Variants in ASIC2 observed in about 807,000 individuals in gnomAD.
ASIC2 encodes the protein acid-sensing ion channel 2.
In ASIC2, 25 loss-of-function variants were observed where a neutral mutation model predicts 57.3. The observed-to-expected ratio is 0.44, with a 90% CI of 0.32 to 0.61. The LOEUF (loss-of-function observed/expected upper bound fraction) is 0.61. Among genes scored for constraint, ASIC2 ranks in the 20% least tolerant of loss-of-function variants. The pLI, the probability that ASIC2 is intolerant of heterozygous loss-of-function variation, is 0.06. For missense variants in ASIC2, 641 were observed against 738.1 expected (o/e 0.87, Z 1.52); for synonymous variants, 319 against 307.5 (o/e 1.04, Z -0.39).
intron 1 of ASIC2, among the ~76,000 whole-genome samples, chr17:33,237,352 GT>G (rs61364467): frequency 1.8e-3 from 253 of 143,212 alleles, no homozygotes; most frequent in Middle Eastern, 7.3e-3. Context: ...CCACTTAGTA[GT>G]TTTTTTTTTT....
intron 1 of ASIC2, among the ~76,000 whole-genome samples, chr17:33,158,670 C>T (rs1169249195): frequency 6.6e-6 from 1 of 152,244 alleles, no homozygotes; most frequent in Non-Finnish European, 1.5e-5. Context: ...GAGTTCAAAA[C>T]CCGATATTAC....
chr17:33,167,249 C>T (rs1905339918), intron 1 of ASIC2, among the ~76,000 whole-genome samples: 1 of 152,194 alleles, frequency 6.6e-6, no homozygotes, highest in Non-Finnish European at 1.5e-5. Context: ...TGCCACTTCT[C>T]TTGGTGGCAC....
At chr17:33,405,490 T>TC (rs1325039996) in intron 1 of ASIC2, among the ~76,000 whole-genome samples, 60 of 149,254 alleles carry the variant, frequency 4.0e-4, no homozygotes, top group African/African-American at 1.2e-3. Flanking sequence ...TTTCTTTCTT[T>TC]TTTTTTTTTT....
intron 1 of ASIC2, among the ~76,000 whole-genome samples, chr17:33,695,257 ACT>A (rs917426244): frequency 1.2e-4 from 19 of 152,272 alleles, no homozygotes; most frequent in African/African-American, 4.3e-4. Flanking sequence ...TTCATGTCTA[ACT>A]CTGAAAATCC....
chr17:33,199,426 C>T (rs905390755), intron 1 of ASIC2, among the ~76,000 whole-genome samples: 1 of 152,156 alleles, frequency 6.6e-6, no homozygotes, highest in African/African-American at 2.4e-5. Flanking sequence ...GAGGTAACCA[C>T]AGAGCAGGGT....
intron 1 of ASIC2, among the ~76,000 whole-genome samples, chr17:34,020,653 C>G (rs759879920): frequency 9.9e-5 from 15 of 152,184 alleles, no homozygotes; most frequent in Non-Finnish European, 2.1e-4. Context: ...CAAAGCCCAG[C>G]TCCCAGCTGA....
chr17:33,586,298 T>A (rs993436368), intron 1 of ASIC2, among the ~76,000 whole-genome samples: 1 of 152,186 alleles, frequency 6.6e-6, no homozygotes, highest in African/African-American at 2.4e-5. Flanking sequence ...GTTTACCATC[T>A]AGGGGGGCAG....
At chr17:33,331,817 G>C (rs1907321779) in intron 1 of ASIC2, among the ~76,000 whole-genome samples, 1 of 152,216 alleles carries the variant, frequency 6.6e-6, no homozygotes, top group Admixed American at 6.5e-5. Context: ...TTTAGGAAAG[G>C]TAGGCAACTG....
At position 33,111,990 on chromosome 17, in the gene ASIC2, C is replaced by A. The variant is rs147153560; in HGVS notation, c.786G>T (p.Gly262=). ...TGATCTCCAGCCCGTTGCCTGTCCC[C>A]CCCTTGACCGTGGTGAGCAGAGGTT... The part of the protein sequence containing the change: ...DGKPLLTTVK[G]GTGNGLEIML... The change falls in exon 2 of 10, where the codon GGG becomes GGT. Residue 262 remains glycine, a synonymous_variant. Transcript: ENST00000225823. 3.7e-6 allele frequency: 6 copies of A among 1,613,906 alleles called. No homozygotes were observed. Among genetic ancestry groups the A allele is most frequent in the Non-Finnish European group, 5.1e-6 (6 of 1,179,990 alleles).
chr17:34,039,709 T>A, intron 1 of ASIC2: 2 of 1,612,384 alleles, frequency 1.2e-6, no homozygotes, highest in South Asian at 2.2e-5. Context: ...ATTCTGCTTT[T>A]TCTTGGGAGT....
At chr17:33,155,766 G>A (rs1904983936) in intron 1 of ASIC2, among the ~76,000 whole-genome samples, 1 of 151,922 alleles carries the variant, frequency 6.6e-6, no homozygotes, top group South Asian at 2.1e-4. Context: ...CACTGTGTTG[G>A]CCAGGCTGGT....
intron 1 of ASIC2, among the ~76,000 whole-genome samples, chr17:34,111,980 T>C (rs1911291131): frequency 6.6e-6 from 1 of 152,182 alleles, no homozygotes; most frequent in African/African-American, 2.4e-5. Flanking sequence ...TATAACTATA[T>C]TAAAATGCAT....
chr17:33,788,538 C>T lies in ASIC2; in HGVS notation c.555+367440G>A, dbSNP rs537108116. Among the ~76,000 whole-genome samples, 14 of 152,230 alleles carry T rather than the reference C, an allele frequency of 9.2e-5. No individual in the cohort carries two copies. The East Asian group carries it at 1.9e-3, about 21-fold the overall frequency. On this transcript the variant is annotated intron_variant, in intron 1 of 9. Transcript: ENST00000359872. Reference sequence around the variant, plus strand: ...GAACCAGAAATACCATTTGACCCAGCAATCTCATTACTGGTTATATACCTT... The same window carrying T: ...GAACCAGAAATACCATTTGACCCAGTAATCTCATTACTGGTTATATACCTT...
chr17:34,083,269 G>A (rs1175855427), intron 1 of ASIC2, among the ~76,000 whole-genome samples: 16 of 150,050 alleles, frequency 1.1e-4, no homozygotes, highest in Admixed American at 6.7e-4. Context: ...GAGAATATGC[G>A]GTGTTTGGTT....
intron 1 of ASIC2, among the ~76,000 whole-genome samples, chr17:33,123,024 A>T (rs1318557805): frequency 6.6e-6 from 1 of 152,248 alleles, no homozygotes; most frequent in East Asian, 1.9e-4. Flanking sequence ...AAAAGGGAAC[A>T]TGTGTACACT....
At chr17:33,888,682 G>A (rs1281085082) in intron 1 of ASIC2, among the ~76,000 whole-genome samples, 1 of 152,132 alleles carries the variant, frequency 6.6e-6, no homozygotes, top group Non-Finnish European at 1.5e-5. Context: ...TTAGTCACAA[G>A]TGATAATGTA....
intron 1 of ASIC2, among the ~76,000 whole-genome samples, chr17:33,416,406 C>G (rs8066359): frequency 6.6e-6 from 1 of 152,206 alleles, no homozygotes; most frequent in South Asian, 2.1e-4. Context: ...ATAACTAGCT[C>G]GTGGCATCAC....
chr17:34,124,877 A>G (rs1911731503), intron 1 of ASIC2, among the ~76,000 whole-genome samples: 2 of 151,952 alleles, frequency 1.3e-5, no homozygotes, highest in Non-Finnish European at 1.5e-5. Flanking sequence ...ATATCATCAT[A>G]TTGGGGATTA....
chr17:33,205,535 T>C (rs1442609251), intron 1 of ASIC2, among the ~76,000 whole-genome samples: 1 of 152,220 alleles, frequency 6.6e-6, no homozygotes, highest in Non-Finnish European at 1.5e-5. Flanking sequence ...AATTTAGCAT[T>C]TGAAAACAGA....
Sources: allele counts gnomAD v4.1 joint callset (sites outside exome capture counted in the v4.1 genomes callset), GRCh38; gene constraint gnomAD v4.1.1; transcripts MANE v1.5; gene names NCBI Gene and HGNC (gene_info 2026-07-23, HGNC 2026-07-21).